Variants in SLC24A3 observed in about 807,000 individuals in gnomAD.
The protein encoded by SLC24A3 is solute carrier family 24 member 3.
A neutral mutation model predicts 75.8 loss-of-function variants in SLC24A3; 28 were observed. The ratio of observed to expected loss-of-function variants is 0.37; its 90% CI spans 0.27 to 0.51. SLC24A3 has a LOEUF of 0.51. Ranked by LOEUF, SLC24A3 falls within the 20% of genes least tolerant of loss-of-function variation. The probability of loss-of-function intolerance (pLI) is 0.94; values close to 1 mark genes in which losing one functional copy is unlikely to be tolerated. For missense variants in SLC24A3, 663 were observed against 847.8 expected (o/e 0.78, Z 2.71); for synonymous variants, 372 against 334.1 (o/e 1.11, Z -1.24).
intron 1 of SLC24A3, among the ~76,000 whole-genome samples, chr20:19,238,123 A>G (rs1600387619): frequency 6.6e-6 from 1 of 152,272 alleles, no homozygotes; most frequent in East Asian, 1.9e-4. Flanking sequence ...CCAAATTAAG[A>G]AACAGAGCAG....
At chr20:19,347,282 A>G (rs1344129776) in intron 2 of SLC24A3, among the ~76,000 whole-genome samples, 1 of 152,188 alleles carries the variant, frequency 6.6e-6, no homozygotes, top group Non-Finnish European at 1.5e-5. Context: ...CTATTCTCTT[A>G]TGATACTGTA....
chr20:19,238,989 C>G (rs972841484), intron 1 of SLC24A3, among the ~76,000 whole-genome samples: 1 of 150,994 alleles, frequency 6.6e-6, no homozygotes, highest in Non-Finnish European at 1.5e-5. Flanking sequence ...CACACACACA[C>G]CTGCCAAATT....
At chr20:19,685,386 G>A (rs1319197133) in intron 12 of SLC24A3, 25 bp downstream of exon 12, 1 of 1,607,788 alleles carries the variant, frequency 6.2e-7, no homozygotes, top group East Asian at 2.2e-5. Context: ...GTCTGGGCTG[G>A]GGTTGGGAGC....
chr20:19,320,915 AGACT>A (rs756026552), intron 2 of SLC24A3, among the ~76,000 whole-genome samples: 27 of 152,214 alleles, frequency 1.8e-4, no homozygotes, highest in African/African-American at 4.8e-4. Context: ...TGAATGTAGA[AGACT>A]GACTGTATAC....
intron 3 of SLC24A3, among the ~76,000 whole-genome samples, chr20:19,515,884 A>T (rs1283937322): frequency 6.6e-6 from 1 of 152,138 alleles, no homozygotes; most frequent in African/African-American, 2.4e-5. Context: ...GCCCTTTCCT[A>T]ACTGGCCTTT....
At chr20:19,545,427 A>G (rs780713189) in intron 3 of SLC24A3, among the ~76,000 whole-genome samples, 1 of 152,224 alleles carries the variant, frequency 6.6e-6, no homozygotes, top group Non-Finnish European at 1.5e-5. Flanking sequence ...TGCTCCGTGT[A>G]TGCAGATTGG....
At chr20:19,689,057 A>G (rs1280287864) in intron 12 of SLC24A3, among the ~76,000 whole-genome samples, 1 of 152,240 alleles carries the variant, frequency 6.6e-6, no homozygotes, top group Non-Finnish European at 1.5e-5. Context: ...TGGGTGAAGA[A>G]AGCCTTATTG....
chr20:19,664,872 A>G (rs1052338148), intron 7 of SLC24A3, among the ~76,000 whole-genome samples: 1 of 152,252 alleles, frequency 6.6e-6, no homozygotes, highest in African/African-American at 2.4e-5. Flanking sequence ...GTCATCAGCC[A>G]TGTGTGTCAT....
chr20:19,349,774 G>C (rs1322428874), intron 2 of SLC24A3, among the ~76,000 whole-genome samples: 1 of 152,150 alleles, frequency 6.6e-6, no homozygotes, highest in African/African-American at 2.4e-5. Flanking sequence ...TTTGTCTTAA[G>C]CTCTACTTCT....
chr20:19,590,467 C>A (rs756765073), intron 6 of SLC24A3, among the ~76,000 whole-genome samples: 22 of 152,144 alleles, frequency 1.4e-4, no homozygotes, highest in Non-Finnish European at 1.2e-4. Flanking sequence ...AAACCACACA[C>A]CCATAGTGCT....
intron 3 of SLC24A3, among the ~76,000 whole-genome samples, chr20:19,575,084 T>TA (rs1568660417): frequency 2.0e-5 from 3 of 150,646 alleles, no homozygotes; most frequent in East Asian, 1.9e-4. Flanking sequence ...ACTCTGACTC[T>TA]AAAAAAAATA....
At chr20:19,373,294 C>G (rs887468170) in intron 2 of SLC24A3, among the ~76,000 whole-genome samples, 1 of 152,246 alleles carries the variant, frequency 6.6e-6, no homozygotes, top group South Asian at 2.1e-4. Context: ...GGAGGCCCTT[C>G]CTTGTCCTGC....
Position 19,566,178 on chromosome 20 carries a change from G to A in SLC24A3, c.349-13822G>A, listed in dbSNP as rs116247340. On this transcript the variant is annotated intron_variant, in intron 3 of 16. Coordinates refer to ENST00000328041, the MANE Select transcript of SLC24A3 (RefSeq NM_020689.4). The stretch of plus-strand genomic sequence containing the variant: ...CAGTGTGCCTGGCACAGAGGCAGCA[G>A]CAAGGGAGAAGGATCTGAGAACAGA... Among the ~76,000 whole-genome samples, 730 of 152,362 alleles carry A rather than the reference G, an allele frequency of 4.8e-3. 5 individuals carry two copies. The highest frequency in any genetic ancestry group is 0.02 in the East Asian group (105 of 5,188).
At chr20:19,548,828 C>A (rs1453409398) in intron 3 of SLC24A3, among the ~76,000 whole-genome samples, 1 of 152,200 alleles carries the variant, frequency 6.6e-6, no homozygotes, top group African/African-American at 2.4e-5. Context: ...AAGGTGTGCA[C>A]ACATCAGAGG....
intron 2 of SLC24A3, among the ~76,000 whole-genome samples, chr20:19,418,789 T>A (rs1431931501): frequency 6.6e-6 from 1 of 152,134 alleles, no homozygotes; most frequent in Non-Finnish European, 1.5e-5. Context: ...AGATGGAACA[T>A]TATATCAAAC....
At position 19,272,899 on chromosome 20, in the gene SLC24A3, G is replaced by A. The variant is rs79443518; in HGVS notation, c.143-8060G>A. ...CAACCTGCGGGTGGGGGTCAGGGAC[G>A]GGTGATGGAGTAAAGATGGACAGGT... On this transcript the variant is annotated intron_variant, in intron 1 of 16. Transcript: ENST00000328041. Among the ~76,000 whole-genome samples the A allele has an allele frequency of 2.3e-3, 349 of 152,230 alleles. 2 individuals carry two copies. Among genetic ancestry groups the A allele is most frequent in the African/African-American group, 8.0e-3 (333 of 41,528 alleles).
intron 6 of SLC24A3, among the ~76,000 whole-genome samples, chr20:19,632,876 C>T (rs2031952146): frequency 6.6e-6 from 1 of 152,242 alleles, no homozygotes; most frequent in Admixed American, 6.5e-5. Flanking sequence ...AATTCAAGAA[C>T]TGGACCATGT....
At chr20:19,488,627 A>T (rs532123047) in intron 2 of SLC24A3, among the ~76,000 whole-genome samples, 125 of 152,318 alleles carry the variant, frequency 8.2e-4, no homozygotes, top group Non-Finnish European at 1.5e-3. Context: ...CCTAGTTAAC[A>T]GTGGGCACAA....
rs539091701 is a variant in SLC24A3 at position 19,653,965 on chromosome 20, G to C, written c.613-97G>C. On this transcript the variant is annotated intron_variant, in intron 6 of 16. Transcript: ENST00000328041. ...TGATTGGCAGATTGGGTGCAGGACA[G>C]GAGGCCTAGACAGGAAGCTGGCTAA... The C allele has an allele frequency of 1.2e-5, 11 of 936,758 alleles. No homozygotes were observed. The African/African-American group carries it at 1.6e-4, about 14-fold the overall frequency. 58.0% of individuals were successfully genotyped at this position (936,758 alleles called of 1,614,324 possible).
Sources: allele counts gnomAD v4.1 joint callset (sites outside exome capture counted in the v4.1 genomes callset), GRCh38; gene constraint gnomAD v4.1.1; transcripts MANE v1.5; gene names NCBI Gene and HGNC (gene_info 2026-07-23, HGNC 2026-07-21).